The following PCDH11X variants were observed in gnomAD, a reference collection of about 807,000 sequenced individuals.
PCDH11X encodes protocadherin 11 X-linked.
A neutral mutation model predicts 53.3 loss-of-function variants in PCDH11X; 18 were observed. The observed-to-expected ratio is 0.34, with a 90% confidence interval of 0.23 to 0.50. The LOEUF is 0.50. Ranked by LOEUF, PCDH11X falls within the 20% of genes least tolerant of loss-of-function variation. The probability of loss-of-function intolerance (pLI) is 0.98; values close to 1 mark genes in which losing one functional copy is unlikely to be tolerated. For synonymous variants in PCDH11X, 279 were observed against 393.3 expected, an observed-to-expected ratio of 0.71 and a Z score of 3.44; for missense variants, 570 against 1,032.4, an observed-to-expected ratio of 0.55 and a Z score of 6.14.
chrX:92,535,520 G>A (rs1292760542), intron 10 of PCDH11X, among the ~76,000 whole-genome samples: 1 of 111,047 alleles, frequency 9.0e-6, no homozygotes, highest in Non-Finnish European at 1.9e-5. Flanking sequence ...GGGGCATATC[G>A]GAAGGTAAAG....
chrX:92,099,938 A>T, intron 6 of PCDH11X, among the ~76,000 whole-genome samples: 1 of 111,367 alleles, frequency 9.0e-6, no homozygotes, highest in East Asian at 2.8e-4. Context: ...GCAGCCAAGG[A>T]TGAATGATGG....
chrX:92,191,319 C>T lies in PCDH11X; in HGVS notation c.3034-10056C>T, dbSNP rs1024539044. ...TAATTATATTTGTTTTATTTTCTAC[C>T]TTTACTTATTTCAATTTGTTCTCTG... is the stretch of plus-strand genomic sequence containing the variant. On this transcript the variant is annotated intron_variant, in intron 6 of 10. Transcript: ENST00000682573. 4.5e-5 allele frequency among the ~76,000 whole-genome samples: 5 copies of T among 111,502 alleles called. No homozygotes were observed. The Admixed American group carries it at 4.8e-4, about 11-fold the overall frequency.
At chrX:92,113,822 C>G in intron 6 of PCDH11X, 1 of 1,206,732 alleles carries the variant, frequency 8.3e-7, no homozygotes, top group Non-Finnish European at 1.1e-6. Flanking sequence ...GGCATTGTAG[C>G]TGACAGCAAA....
At chrX:91,821,057 G>C (rs1329917221) in intron 4 of PCDH11X, among the ~76,000 whole-genome samples, 1 of 105,953 alleles carries the variant, frequency 9.4e-6, no homozygotes, top group African/African-American at 3.9e-5. Flanking sequence ...CCAGTACCAT[G>C]CTGTTTTGGT....
At chrX:91,962,651 A>T (rs1253536090) in intron 6 of PCDH11X, among the ~76,000 whole-genome samples, 1 of 111,316 alleles carries the variant, frequency 9.0e-6, no homozygotes, top group African/African-American at 3.3e-5. Flanking sequence ...ACCCCAGTGG[A>T]GACTCTTTTT....
chrX:92,502,463 C>T (rs2073977202), intron 10 of PCDH11X, among the ~76,000 whole-genome samples: 1 of 109,434 alleles, frequency 9.1e-6, no homozygotes, highest in South Asian at 4.0e-4. Context: ...CACTACCTAA[C>T]TTCAAACAGT....
chrX:92,527,943 A>G (rs1001634065), intron 10 of PCDH11X, among the ~76,000 whole-genome samples: 63 of 112,046 alleles, frequency 5.6e-4, no homozygotes, highest in African/African-American at 1.7e-3. Context: ...TGAGTGAATT[A>G]AGTGGACCCT....
rs73630162 is a variant in PCDH11X at position 92,232,524 on chromosome X, C to T, written c.3115-30590C>T. Among the ~76,000 whole-genome samples the T allele has an allele frequency of 2.0e-3, 222 of 111,881 alleles. 1 individual carries two copies. Among genetic ancestry groups the T allele is most frequent in the African/African-American group, 6.9e-3 (214 of 30,884 alleles). On this transcript the variant is annotated intron_variant, in intron 7 of 10. Coordinates refer to ENST00000682573, the MANE Select transcript of PCDH11X (RefSeq NM_032968.5). ...TCTTATGAATGACCAACTAACAGGG[C>T]AGACATCTCTACTCATCAATTAACA...
chrX:92,521,930 A>G (rs759068764), intron 10 of PCDH11X, among the ~76,000 whole-genome samples: 174 of 111,083 alleles, frequency 1.6e-3, no homozygotes, highest in Non-Finnish European at 2.7e-3. Flanking sequence ...CATAGAATTA[A>G]TCTTTTCTCT....
chrX:92,063,141 A>G (rs1399259472), intron 6 of PCDH11X, among the ~76,000 whole-genome samples: 1 of 103,321 alleles, frequency 9.7e-6, no homozygotes, highest in African/African-American at 3.5e-5. Context: ...GAGTTGAACA[A>G]TGAGAACACA....
intron 10 of PCDH11X, among the ~76,000 whole-genome samples, chrX:92,482,821 A>G (rs1300394785): frequency 1.8e-5 from 2 of 110,197 alleles, no homozygotes; most frequent in Non-Finnish European, 3.8e-5. Context: ...CTTAGTCTTC[A>G]AAGTTTTATG....
chrX:92,579,771 G>A (rs1456589577), intron 10 of PCDH11X, among the ~76,000 whole-genome samples: 1 of 111,687 alleles, frequency 9.0e-6, no homozygotes, highest in African/African-American at 3.3e-5. Flanking sequence ...CCTCAGTCCA[G>A]TTCTGAGTGC....
At position 92,015,100 on chromosome X, in the gene PCDH11X, C is replaced by A. The variant is rs112316837; in HGVS notation, c.3033+135827C>A. Reference sequence around the variant, plus strand: ...ATATAAAATAAAATAATGTGCGTATCTTAATTTCAAAATATTTTATTGCTA... The same window carrying A: ...ATATAAAATAAAATAATGTGCGTATATTAATTTCAAAATATTTTATTGCTA... On this transcript the variant is annotated intron_variant, in intron 6 of 10. Coordinates refer to ENST00000682573, the MANE Select transcript of PCDH11X (RefSeq NM_032968.5). Among the ~76,000 whole-genome samples, 191 of 112,068 alleles carry A rather than the reference C, an allele frequency of 1.7e-3. 1 individual carries two copies. Among genetic ancestry groups the A allele is most frequent in the African/African-American group, 5.9e-3 (183 of 30,870 alleles).
intron 10 of PCDH11X, among the ~76,000 whole-genome samples, chrX:92,494,139 T>C: frequency 9.1e-6 from 1 of 110,300 alleles, no homozygotes; most frequent in Middle Eastern, 4.7e-3. Flanking sequence ...AGTTAAGAGA[T>C]CCTCACCCTG....
In PCDH11X at chrX:92,372,697, G is replaced by T. The variant is rs1317312963; in HGVS notation, c.3145-15038G>T. On this transcript the variant is annotated intron_variant, in intron 8 of 10. Transcript: ENST00000682573. ...AATGTATTTTAAATGAGGTAGCAAT[G>T]CATTATAAGTATTTAATAATTAGCT... 2.7e-5 allele frequency among the ~76,000 whole-genome samples: 3 copies of T among 109,912 alleles called. 1 individual carries two copies. Among genetic ancestry groups the T allele is most frequent in the Non-Finnish European group, 5.7e-5 (3 of 52,765 alleles).
chrX:92,554,816 T>A (rs2075021912), intron 10 of PCDH11X, among the ~76,000 whole-genome samples: 1 of 110,902 alleles, frequency 9.0e-6, no homozygotes, highest in South Asian at 3.8e-4. Flanking sequence ...CTAAGAAGGG[T>A]CCTGCAAAGG....
intron 6 of PCDH11X, among the ~76,000 whole-genome samples, chrX:92,008,543 G>T (rs2062638900): frequency 9.1e-6 from 1 of 110,152 alleles, no homozygotes; most frequent in South Asian, 3.9e-4. Flanking sequence ...ATTCTACAGG[G>T]TTTATTTCTT....
chrX:92,541,589 A>G (rs189625026), intron 10 of PCDH11X, among the ~76,000 whole-genome samples: 1,855 of 110,838 alleles, frequency 0.017, 17 homozygotes, highest in Non-Finnish European at 0.026. Flanking sequence ...GTTCCAGCGC[A>G]GGGGACAAAT....
chrX:92,199,565 C>CA (rs2066353903), intron 6 of PCDH11X, among the ~76,000 whole-genome samples: 1 of 110,982 alleles, frequency 9.0e-6, no homozygotes, highest in Non-Finnish European at 1.9e-5. Context: ...AGTTTTCCTG[C>CA]AAGTGTCATT....
Sources: gnomAD v4.1 joint callset for allele counts (sites outside exome capture counted in the v4.1 genomes callset) on GRCh38, gnomAD v4.1.1 for gene constraint, MANE v1.5 for transcripts, NCBI Gene and HGNC (gene_info 2026-07-23, HGNC 2026-07-21) for gene names.